The following RBFOX1 variants were observed in gnomAD, a reference collection of about 807,000 sequenced individuals.
RBFOX1 encodes RNA binding protein fox-1 homolog 1.
A neutral mutation model predicts 57.7 loss-of-function variants in RBFOX1; 8 were observed. The ratio of observed to expected loss-of-function variants is 0.14; its 90% CI spans 0.08 to 0.25. The LOEUF (loss-of-function observed/expected upper bound fraction) is 0.25. Among genes scored for constraint, RBFOX1 ranks in the 10% least tolerant of loss-of-function variants. RBFOX1 has a pLI of 1.00. For missense variants in RBFOX1, 611 were observed against 548.5 expected, an observed-to-expected ratio of 1.11 and a Z score of -1.14; for synonymous variants, 326 against 222.4, an observed-to-expected ratio of 1.47 and a Z score of -4.15.
chr16:6,945,844 T>C (rs550991117), intron 3 of RBFOX1, among the ~76,000 whole-genome samples: 132 of 152,162 alleles, frequency 8.7e-4, no homozygotes, highest in Non-Finnish European at 1.6e-3. Flanking sequence ...TGTGCTGAGA[T>C]CAAATCACTG....
At chr16:7,326,435 C>T (rs987111177) in intron 4 of RBFOX1, among the ~76,000 whole-genome samples, 2 of 152,096 alleles carry the variant, frequency 1.3e-5, no homozygotes, top group African/African-American at 2.4e-5. Context: ...GAAGCTCGAA[C>T]AGCAACATCT....
At chr16:7,633,675 G>A (rs12598550) in intron 11 of RBFOX1, among the ~76,000 whole-genome samples, 22,925 of 152,118 alleles carry the variant, frequency 0.15, 2,278 homozygotes, top group East Asian at 0.51. Context: ...GGTCAATCTC[G>A]ATTAGTATTT....
At chr16:7,538,618 T>A (rs1297360319) in intron 5 of RBFOX1, among the ~76,000 whole-genome samples, 1 of 152,234 alleles carries the variant, frequency 6.6e-6, no homozygotes, top group African/African-American at 2.4e-5. Context: ...ACAATGTAAC[T>A]AAATAATTAC....
At chr16:7,005,872 C>T (rs12919229) in intron 3 of RBFOX1, among the ~76,000 whole-genome samples, 2 of 151,998 alleles carry the variant, frequency 1.3e-5, no homozygotes, top group African/African-American at 2.4e-5. Flanking sequence ...TTCTTCCCTT[C>T]TTCTGGATAA....
chr16:6,494,661 A>G (rs1017216327), intron 2 of RBFOX1, among the ~76,000 whole-genome samples: 4 of 152,176 alleles, frequency 2.6e-5, no homozygotes, highest in Non-Finnish European at 5.9e-5. Context: ...TTTTTGCGTG[A>G]CCGTGAGTTT....
chr16:6,727,499 C>A (rs1342675722), intron 3 of RBFOX1, among the ~76,000 whole-genome samples: 5 of 151,928 alleles, frequency 3.3e-5, no homozygotes, highest in Admixed American at 1.3e-4. Context: ...GGATTATACG[C>A]AAATTGTACA....
intron 2 of RBFOX1, among the ~76,000 whole-genome samples, chr16:5,572,113 T>C (rs2046303740): frequency 6.6e-6 from 1 of 152,108 alleles, no homozygotes; most frequent in Admixed American, 6.5e-5. Flanking sequence ...GTCCCTTAAA[T>C]ACATGATTTG....
At chr16:6,758,953 C>G (rs1026081538) in intron 3 of RBFOX1, among the ~76,000 whole-genome samples, 4 of 151,916 alleles carry the variant, frequency 2.6e-5, no homozygotes, top group African/African-American at 7.3e-5. Context: ...AAAGCCTTTG[C>G]TTTCTAAGCT....
chr16:6,965,480 G>T (rs1267097745), intron 3 of RBFOX1, among the ~76,000 whole-genome samples: 1 of 152,060 alleles, frequency 6.6e-6, no homozygotes, highest in Non-Finnish European at 1.5e-5. Context: ...GGGATTACAG[G>T]CGTGCGCCAC....
At chr16:5,472,656 A>G (rs555411709) in intron 2 of RBFOX1, among the ~76,000 whole-genome samples, 8 of 152,134 alleles carry the variant, frequency 5.3e-5, no homozygotes, top group South Asian at 2.1e-4. Context: ...ACCTCCTTTC[A>G]TCAGCTGTTT....
intron 2 of RBFOX1, among the ~76,000 whole-genome samples, chr16:6,503,952 T>A (rs1432367003): frequency 6.6e-6 from 1 of 152,240 alleles, no homozygotes; most frequent in Non-Finnish European, 1.5e-5. Flanking sequence ...TAAATCATCT[T>A]TGGCACTTGA....
In RBFOX1 at chr16:7,600,893, C is replaced by T. The variant is rs569841499; in HGVS notation, c.622+3462C>T. Among the ~76,000 whole-genome samples the T allele has an allele frequency of 8.5e-5, 13 of 152,236 alleles. No individual in the cohort carries two copies. The South Asian group carries it at 1.7e-3, about 19-fold the overall frequency. On this transcript the variant is annotated intron_variant, in intron 9 of 15. Coordinates refer to ENST00000550418, the MANE Select transcript of RBFOX1 (RefSeq NM_018723.4). ...CATAATGAAAAGCTGTAGAATGAGCCGTAGGCTTCTGGACATTCTATTAAA... is the reference window on the plus strand; with the variant it reads ...CATAATGAAAAGCTGTAGAATGAGCTGTAGGCTTCTGGACATTCTATTAAA...
intron 3 of RBFOX1, among the ~76,000 whole-genome samples, chr16:5,722,997 T>G (rs2151538759): frequency 6.6e-6 from 1 of 152,338 alleles, no homozygotes; most frequent in Middle Eastern, 3.4e-3. Flanking sequence ...ATTCGCATAC[T>G]TAGGGCACAT....
intron 2 of RBFOX1, among the ~76,000 whole-genome samples, chr16:6,556,796 A>T (rs1053211737): frequency 7.2e-5 from 11 of 151,988 alleles, no homozygotes; most frequent in African/African-American, 2.4e-4. Context: ...AGACCTGAAG[A>T]GGCTCATGTG....
intron 3 of RBFOX1, among the ~76,000 whole-genome samples, chr16:6,949,956 TTG>T (rs1462678798): frequency 1.8e-5 from 2 of 110,842 alleles, no homozygotes; most frequent in East Asian, 4.0e-4. Context: ...GTTGTTGTTG[TTG>T]TTTTTTGGTA....
intron 3 of RBFOX1, among the ~76,000 whole-genome samples, chr16:6,985,272 A>G (rs892986061): frequency 6.6e-5 from 10 of 152,152 alleles, no homozygotes; most frequent in Admixed American, 5.9e-4. Flanking sequence ...TAGGGAATAT[A>G]TCTTATGTTT....
intron 4 of RBFOX1, among the ~76,000 whole-genome samples, chr16:7,276,309 A>G (rs145182253): frequency 4.6e-4 from 70 of 152,244 alleles, no homozygotes; most frequent in African/African-American, 1.6e-3. Context: ...TGATGGCTCT[A>G]TAAGTTTGAG....
Position 7,443,290 on chromosome 16 carries a change from G to C in RBFOX1, c.28-74857G>C, listed in dbSNP as rs148931095. ...AAAAGGCAATTTTCTTGGTGGCTTA[G>C]AAGGTTACAGAAAATGCTTGATCAG... On this transcript the variant is annotated intron_variant, in intron 4 of 15. Coordinates refer to ENST00000550418, the MANE Select transcript of RBFOX1 (RefSeq NM_018723.4). Among the ~76,000 whole-genome samples the C allele has an allele frequency of 3.7e-3, 563 of 152,214 alleles. 4 individuals carry two copies. The highest frequency in any genetic ancestry group is 0.013 in the African/African-American group (539 of 41,524).
rs1214672244 is a variant in RBFOX1 at position 6,514,231 on chromosome 16, T to C, written c.-63-140372T>C. On this transcript the variant is annotated intron_variant, in intron 2 of 15. Transcript: ENST00000550418. ...GATGCTCTCTGCTTAAAAGGATGTT[T>C]AGAATGCCATTTGTAGCACACACAC... Among the ~76,000 whole-genome samples, 3 of 152,160 alleles carry C rather than the reference T, an allele frequency of 2.0e-5. No individual in the cohort carries two copies. The East Asian group carries it at 5.8e-4, about 29-fold the overall frequency.
Sources: allele counts gnomAD v4.1 joint callset (sites outside exome capture counted in the v4.1 genomes callset), GRCh38; gene constraint gnomAD v4.1.1; transcripts MANE v1.5; gene names NCBI Gene and HGNC (gene_info 2026-07-23, HGNC 2026-07-21).